GRIP1: variants seen among roughly 807,000 people sequenced by gnomAD.
GRIP1 encodes glutamate receptor interacting protein 1.
A neutral mutation model predicts 129.9 loss-of-function variants in GRIP1; 45 were observed. The observed-to-expected ratio is 0.35, with a 90% CI of 0.27 to 0.44. The LOEUF (loss-of-function observed/expected upper bound fraction) is 0.44. GRIP1 is among the 20% of genes least tolerant of loss of function. GRIP1 has a pLI of 1.00. For missense variants in GRIP1, 1,196 were observed against 1,396.8 expected (o/e 0.86, Z 2.29); for synonymous variants, 530 against 520.8 (o/e 1.02, Z -0.24).
chr12:66,455,586 G>A (rs2058934879), intron 10 of GRIP1, 22 bp from the exon 11 acceptor site: 7 of 1,610,834 alleles, frequency 4.3e-6, no homozygotes, highest in Non-Finnish European at 5.9e-6. Context: ...TGAAGACGTT[G>A]CACAGAGCAC....
At chr12:67,002,267 A>T (rs776548247) in intron 1 of GRIP1, among the ~76,000 whole-genome samples, 3 of 152,230 alleles carry the variant, frequency 2.0e-5, no homozygotes, top group Non-Finnish European at 4.4e-5. Context: ...TGAATTATAC[A>T]ATCTGTCAAA....
At chr12:66,450,314 A>C in intron 11 of GRIP1, among the ~76,000 whole-genome samples, 1 of 147,948 alleles carries the variant, frequency 6.8e-6, no homozygotes, top group East Asian at 2.0e-4. Context: ...AAAAAAAAAA[A>C]AAAAAAAAAA....
Position 66,562,381 on chromosome 12 carries a change from G to A in GRIP1, c.137-20431C>T, listed in dbSNP as rs1278931197. ...GCACTGTGATGCTGCATTTTTTACA[G>A]TGCTCTGTTATTGCCCCTTGGATTT... On this transcript the variant is annotated intron_variant, in intron 2 of 24. Transcript: ENST00000359742. 1.3e-5 allele frequency among the ~76,000 whole-genome samples: 2 copies of A among 152,250 alleles called. 1 individual carries two copies. Among genetic ancestry groups the A allele is most frequent in the Admixed American group, 1.3e-4 (2 of 15,286 alleles).
chr12:66,552,294 T>C (rs1443197052), intron 2 of GRIP1, among the ~76,000 whole-genome samples: 1 of 152,170 alleles, frequency 6.6e-6, no homozygotes, highest in Non-Finnish European at 1.5e-5. Flanking sequence ...GCCTTTTTCT[T>C]CCATGAATAT....
intron 5 of GRIP1, among the ~76,000 whole-genome samples, chr12:66,526,694 T>C (rs916808114): frequency 6.6e-5 from 10 of 151,478 alleles, no homozygotes; most frequent in African/African-American, 2.2e-4. Context: ...CTAATTAAAC[T>C]AAAGAGCTTC....
intron 1 of GRIP1, among the ~76,000 whole-genome samples, chr12:66,785,439 G>A (rs1004623851): frequency 2.8e-4 from 42 of 150,220 alleles, no homozygotes; most frequent in African/African-American, 9.8e-4. Context: ...TTCAGCCTGG[G>A]GGATGGAAGC....
chr12:66,430,929 T>C (rs921701903), intron 14 of GRIP1, among the ~76,000 whole-genome samples: 3 of 152,040 alleles, frequency 2.0e-5, no homozygotes, highest in Non-Finnish European at 4.4e-5. Context: ...CAGAATGCAT[T>C]TGTTGAGGGA....
chr12:66,727,242 G>A (rs556574435), intron 1 of GRIP1, among the ~76,000 whole-genome samples: 1 of 152,332 alleles, frequency 6.6e-6, no homozygotes, highest in African/African-American at 2.4e-5. Context: ...TAGGATAACA[G>A]CTCTGTACCC....
At chr12:66,605,177 A>G (rs1163482876) in intron 1 of GRIP1, among the ~76,000 whole-genome samples, 3 of 152,074 alleles carry the variant, frequency 2.0e-5, no homozygotes, top group African/African-American at 7.2e-5. Flanking sequence ...GTTCTCATGG[A>G]AAAGACTGAA....
intron 1 of GRIP1, among the ~76,000 whole-genome samples, chr12:66,923,974 A>G (rs2041254575): frequency 6.6e-6 from 1 of 151,978 alleles, no homozygotes; most frequent in African/African-American, 2.4e-5. Context: ...CCTCCCGAGT[A>G]GCTGGGATTA....
chr12:66,519,192 T>G lies in GRIP1; in HGVS notation c.503-1216A>C, dbSNP rs75745654. On this transcript the variant is annotated intron_variant, in intron 5 of 24. Coordinates refer to ENST00000359742, the MANE Select transcript of GRIP1 (RefSeq NM_001366722.1). ...TCCTCAGGAAGGCAAATGCTTCTTTTGTGCTCACTTCTACGACAAGTGATT... is the reference window on the plus strand; with the variant it reads ...TCCTCAGGAAGGCAAATGCTTCTTTGGTGCTCACTTCTACGACAAGTGATT... Among the ~76,000 whole-genome samples, 40 of 152,372 alleles carry G rather than the reference T, an allele frequency of 2.6e-4. 1 individual carries two copies. In the East Asian group the frequency reaches 6.5e-3, roughly 25 times the overall value.
chr12:66,874,027 A>G (rs1038717501), intron 1 of GRIP1, among the ~76,000 whole-genome samples: 25 of 152,108 alleles, frequency 1.6e-4, no homozygotes, highest in African/African-American at 5.8e-4. Flanking sequence ...AGATTCTTGA[A>G]GGACATCTGT....
At chr12:66,759,275 G>C (rs938166842) in intron 1 of GRIP1, among the ~76,000 whole-genome samples, 3 of 152,224 alleles carry the variant, frequency 2.0e-5, no homozygotes, top group African/African-American at 7.2e-5. Context: ...GCCACAGCAT[G>C]AGTTCTACAT....
At chr12:66,461,576 T>G (rs1801866048) in intron 9 of GRIP1, among the ~76,000 whole-genome samples, 1 of 152,220 alleles carries the variant, frequency 6.6e-6, no homozygotes, top group Admixed American at 6.5e-5. Flanking sequence ...CTGCCTATGC[T>G]GCATCATTTC....
At chr12:67,003,539 A>G (rs568559920) in intron 1 of GRIP1, among the ~76,000 whole-genome samples, 4 of 151,964 alleles carry the variant, frequency 2.6e-5, no homozygotes, top group African/African-American at 7.2e-5. Context: ...TAAAAATACA[A>G]AAAATTAGCC....
At chr12:66,697,587 G>A (rs1469997224) in intron 1 of GRIP1, among the ~76,000 whole-genome samples, 1 of 152,138 alleles carries the variant, frequency 6.6e-6, no homozygotes, top group Non-Finnish European at 1.5e-5. Context: ...TCACACATTT[G>A]AGACTACTTT....
chr12:66,379,348 C>T lies in GRIP1; in HGVS notation c.2553G>A (p.Lys851=), dbSNP rs201678133. ...CATCTGGGTAAGTCTGGCTTCGAGG[C>T]TTAGTGACTGGGGACAAGCTGCCTC... is the stretch of plus-strand genomic sequence containing the variant. ...KQRGSLSPVT[K]PRSQTYPDVG... The change falls in exon 20 of 25, where the codon AAG becomes AAA. Residue 851 remains lysine, a synonymous_variant. Transcript: ENST00000359742. The T allele has an allele frequency of 6.2e-7, 1 of 1,614,062 alleles. No individual in the cohort carries two copies. The highest frequency in any genetic ancestry group is 8.5e-7 in the Non-Finnish European group (1 of 1,179,938).
chr12:66,553,439 A>T (rs1313538639), intron 2 of GRIP1, among the ~76,000 whole-genome samples: 1 of 152,020 alleles, frequency 6.6e-6, no homozygotes, highest in Non-Finnish European at 1.5e-5. Flanking sequence ...AATGATGTAG[A>T]CTTAGTCCCT....
intron 1 of GRIP1, among the ~76,000 whole-genome samples, chr12:66,714,673 A>C (rs952928461): frequency 6.6e-6 from 1 of 152,054 alleles, no homozygotes; most frequent in Non-Finnish European, 1.5e-5. Flanking sequence ...AGTATGCTAC[A>C]AGAAAATTAT....
Sources: gnomAD v4.1 joint callset for allele counts (sites outside exome capture counted in the v4.1 genomes callset) on GRCh38, gnomAD v4.1.1 for gene constraint, MANE v1.5 for transcripts, NCBI Gene and HGNC (gene_info 2026-07-23, HGNC 2026-07-21) for gene names.